ITGA4: variants seen among roughly 807,000 people sequenced by gnomAD.
ITGA4 encodes integrin alpha-4.
ITGA4 carries 63 observed loss-of-function variants against 133.6 expected under a neutral mutation model. The ratio of observed to expected loss-of-function variants is 0.47; its 90% CI spans 0.38 to 0.58. The LOEUF (loss-of-function observed/expected upper bound fraction) is 0.58. Ranked by LOEUF, ITGA4 falls within the 20% of genes least tolerant of loss-of-function variation. The probability of loss-of-function intolerance (pLI) is 0.00; values close to 1 mark genes in which losing one functional copy is unlikely to be tolerated. For missense variants in ITGA4, 1,076 were observed against 1,252.7 expected (o/e 0.86, Z 2.13); for synonymous variants, 483 against 438.0 (o/e 1.10, Z -1.28).
chr2:181,474,653 T>C (rs993503288), intron 2 of ITGA4, among the ~76,000 whole-genome samples: 8 of 152,376 alleles, frequency 5.3e-5, no homozygotes, highest in Admixed American at 1.3e-4. Flanking sequence ...ACAGCAGTTA[T>C]AGTTGCACAA....
chr2:181,538,160 AT>A lies in ITGA4; in HGVS notation c.*2636del. ...TTTATATTAAAATTCTAGTTTGTAC[AT>A]TTCTTTTAGAAACAATTACATGTTA... is the stretch of plus-strand genomic sequence containing the variant. On this transcript the variant is annotated 3_prime_UTR_variant, in exon 28 of 28. Coordinates refer to ENST00000397033, the MANE Select transcript of ITGA4 (RefSeq NM_000885.6). 6.8e-7 allele frequency: 1 copy of A among 1,467,174 alleles called. No individual in the cohort carries two copies. Among genetic ancestry groups the A allele is most frequent in the Non-Finnish European group, 9.5e-7 (1 of 1,048,890 alleles). The allele number at this position is 1,467,174 out of a possible 1,614,324, so 90.9% of individuals were successfully genotyped here. A position where few individuals can be genotyped will look rare whatever the true frequency, so the allele number is the denominator to read the frequency against.
At chr2:181,475,595 C>T (rs1685657381) in intron 4 of ITGA4, among the ~76,000 whole-genome samples, 1 of 152,118 alleles carries the variant, frequency 6.6e-6, no homozygotes, top group Non-Finnish European at 1.5e-5. Context: ...AAATATAGGA[C>T]ATTTAAATTG....
intron 9 of ITGA4, among the ~76,000 whole-genome samples, chr2:181,485,403 A>ATTTT (rs5836791): frequency 6.7e-6 from 1 of 148,736 alleles, no homozygotes; most frequent in African/African-American, 2.5e-5. Flanking sequence ...TTATAATTAG[A>ATTTT]TTTTTTTTTT....
At chr2:181,457,343 TC>T, upstream of ITGA4, 1 of 313,598 alleles carries the variant, frequency 3.2e-6, no homozygotes, top group Admixed American at 5.4e-5. Flanking sequence ...GCCCTGCGCC[TC>T]CGCACCACGC....
chr2:181,478,661 G>A, intron 4 of ITGA4, 96 bp from the exon 5 acceptor site: 1 of 508,290 alleles, frequency 2.0e-6, no homozygotes. Context: ...ACAAACTATA[G>A]ACCTTAAAGG....
chr2:181,503,827 A>AG (rs1189438853), intron 15 of ITGA4, among the ~76,000 whole-genome samples: 1 of 150,188 alleles, frequency 6.7e-6, no homozygotes, highest in Non-Finnish European at 1.5e-5. Flanking sequence ...AGTATATGAA[A>AG]ATCTTTGTTT....
intron 2 of ITGA4, among the ~76,000 whole-genome samples, chr2:181,461,330 ATTG>A (rs1450210615): frequency 1.3e-5 from 2 of 150,668 alleles, no homozygotes; most frequent in East Asian, 3.9e-4. Context: ...CTGCATATAT[ATTG>A]TTGGCCTCCT....
rs576839214 is a variant in ITGA4, at chr2:181,537,821, T to G, written c.*2294T>G. The G allele has an allele frequency of 6.3e-6, 3 of 477,736 alleles. No homozygotes were observed. Among genetic ancestry groups the G allele is most frequent in the East Asian group, 1.2e-4 (2 of 16,156 alleles). 29.6% of individuals were successfully genotyped at this position (477,736 alleles called of 1,614,324 possible). ...TGACTTTTAAAGCCCTAGAGGCTAA[T>G]TGTTAGTAACATCAATTTCTATTAG... On this transcript the variant is annotated 3_prime_UTR_variant, in exon 28 of 28. Transcript: ENST00000397033.
Position 181,531,719 on chromosome 2 carries a change from TG to T in ITGA4, c.2729del (p.Gly910GlufsTer17). The T allele has an allele frequency of 6.2e-7, 1 of 1,608,742 alleles. No individual in the cohort carries two copies. The highest frequency in any genetic ancestry group is 8.5e-7 in the Non-Finnish European group (1 of 1,176,610). ...FLCNFGKMES[G>X]KEASVHIQLE... ...TGTGTAATTTTGGGAAAATGGAAAG[TG>T]GAAAAGAAGCCAGTGTTCATATCCA... On this transcript the variant is annotated frameshift_variant, in exon 25 of 28. Transcript: ENST00000397033. LOFTEE classifies it high-confidence loss of function.
chr2:181,525,400 A>C lies in ITGA4; in HGVS notation c.2339+109A>C, dbSNP rs767499. The C allele has an allele frequency of 1.2e-5, 7 of 596,734 alleles. No individual in the cohort carries two copies. The South Asian group carries it at 1.7e-4, about 14-fold the overall frequency. The allele number at this position is 596,734 out of a possible 1,614,324, so 37.0% of individuals were successfully genotyped here. ...CTAGAATTTTTTTAAAATAAAAAGGATACTCTATCTTTTAATAATTACCTC... is the reference window on the plus strand; with the variant it reads ...CTAGAATTTTTTTAAAATAAAAAGGCTACTCTATCTTTTAATAATTACCTC... On this transcript the variant is annotated intron_variant, in intron 21 of 27. Transcript: ENST00000397033.
chr2:181,477,438 A>G (rs2105729073), intron 4 of ITGA4, among the ~76,000 whole-genome samples: 1 of 152,272 alleles, frequency 6.6e-6, no homozygotes, highest in East Asian at 1.9e-4. Context: ...GCAGAATGGG[A>G]AATAATATTC....
chr2:181,489,307 C>T (rs1327531768), intron 10 of ITGA4, among the ~76,000 whole-genome samples: 1 of 152,130 alleles, frequency 6.6e-6, no homozygotes, highest in East Asian at 1.9e-4. Context: ...TTTCCTGTGT[C>T]CTTAGAAAAG....
At chr2:181,510,024 T>C (rs1157358875) in intron 16 of ITGA4, 1 of 394,230 alleles carries the variant, frequency 2.5e-6, no homozygotes, top group Non-Finnish European at 4.6e-6. Flanking sequence ...CAACAGTAGA[T>C]TCTCATATAA....
intron 2 of ITGA4, among the ~76,000 whole-genome samples, chr2:181,473,790 G>C (rs1559039486): frequency 6.6e-6 from 1 of 152,140 alleles, no homozygotes; most frequent in Non-Finnish European, 1.5e-5. Flanking sequence ...AACATAGTGA[G>C]ACCCCCATTG....
At chr2:181,517,338 G>T (rs1183397785) in intron 17 of ITGA4, among the ~76,000 whole-genome samples, 42 of 151,934 alleles carry the variant, frequency 2.8e-4, no homozygotes, top group Admixed American at 2.8e-3. Flanking sequence ...ACTAAGACTT[G>T]GGGAGCATTT....
At chr2:181,488,627 G>C (rs184037628) in intron 10 of ITGA4, among the ~76,000 whole-genome samples, 9 of 151,292 alleles carry the variant, frequency 5.9e-5, no homozygotes, top group Middle Eastern at 3.4e-3. Flanking sequence ...GGCATGATCT[G>C]GGCTCACTGC....
intron 10 of ITGA4, among the ~76,000 whole-genome samples, chr2:181,486,474 G>T (rs1685920872): frequency 6.6e-6 from 1 of 152,170 alleles, no homozygotes. Flanking sequence ...CCCCTGCTCT[G>T]CCAGGCATTC....
rs3770109 is a variant in ITGA4, at chr2:181,523,901, A to G, written c.2170-270A>G. Among the ~76,000 whole-genome samples the G allele has an allele frequency of 0.11, 17,418 of 152,096 alleles. 1,282 individuals are homozygous for G. The highest frequency in any genetic ancestry group is 0.22 in the East Asian group (1,140 of 5,162). On this transcript the variant is annotated intron_variant, in intron 19 of 27. Transcript: ENST00000397033. The surrounding 1 kb of genome is among the most constrained non-coding windows in gnomAD (Gnocchi z 4.2). ...GCAAGAGTCTCCACTCAAGTTGTGA[A>G]AGCATTTCTAATTTTGTCTAGACTT...
In ITGA4 at chr2:181,534,852, C is replaced by T. The variant is rs200199652; in HGVS notation, c.2920C>T (p.Arg974Cys). Residue 974 changes from arginine (R) to cysteine (C), a missense_variant, in exon 27 of 28, where the codon CGT becomes TGT. This residue lies in a region of ITGA4 where 193 missense variants were observed against 172.3 expected (regional missense o/e 1.12). Coordinates refer to ENST00000397033, the MANE Select transcript of ITGA4 (RefSeq NM_000885.6). ...LEGLHHQRPK[R>C]YFTIVIISSS... ...AGGACTACATCATCAAAGACCCAAACGTTATTTCACCATAGTGATTATTTC... is the reference window on the plus strand; with the variant it reads ...AGGACTACATCATCAAAGACCCAAATGTTATTTCACCATAGTGATTATTTC... 88 of 1,600,618 alleles carry T rather than the reference C, an allele frequency of 5.5e-5. No homozygotes were observed. The highest frequency in any genetic ancestry group is 6.8e-5 in the Non-Finnish European group (80 of 1,175,624).
Sources: allele counts gnomAD v4.1 joint callset (sites outside exome capture counted in the v4.1 genomes callset), GRCh38; gene constraint gnomAD v4.1.1; regional missense constraint gnomAD v4.1.1; non-coding constraint Gnocchi (gnomAD v3.1); transcripts MANE v1.5; gene names NCBI Gene and HGNC (gene_info 2026-07-23, HGNC 2026-07-21).